CCSER1: variants seen among roughly 807,000 people sequenced by gnomAD.
CCSER1 encodes the protein coiled-coil serine rich protein 1.
In CCSER1, 41 loss-of-function variants were observed where a neutral mutation model predicts 82.0. The observed-to-expected ratio is 0.50, with a 90% confidence interval of 0.39 to 0.65. The LOEUF is 0.65. Among genes scored for constraint, CCSER1 ranks in the 30% least tolerant of loss-of-function variants. The pLI is 0.00. For missense variants in CCSER1, 1,119 were observed against 1,064.2 expected, an observed-to-expected ratio of 1.05 and a Z score of -0.72; for synonymous variants, 414 against 383.9, an observed-to-expected ratio of 1.08 and a Z score of -0.92.
intron 7 of CCSER1, among the ~76,000 whole-genome samples, chr4:90,758,214 G>C (rs1216022043): frequency 6.6e-6 from 1 of 152,106 alleles, no homozygotes; most frequent in Non-Finnish European, 1.5e-5. Flanking sequence ...TGGGATTACA[G>C]GTGTGTAGTC....
intron 10 of CCSER1, among the ~76,000 whole-genome samples, chr4:91,232,637 A>G (rs1738708567): frequency 6.6e-6 from 1 of 151,840 alleles, no homozygotes; most frequent in Non-Finnish European, 1.5e-5. Context: ...TGAATTTTAT[A>G]TCACATATAT....
chr4:91,238,970 C>CCAG (rs1739237610), intron 10 of CCSER1, among the ~76,000 whole-genome samples: 3 of 151,864 alleles, frequency 2.0e-5, no homozygotes, highest in Admixed American at 6.6e-5. Flanking sequence ...ACTACAGGTG[C>CCAG]CCACCACCGT....
intron 1 of CCSER1, among the ~76,000 whole-genome samples, chr4:90,156,005 C>CA (rs1359046590): frequency 9.0e-4 from 137 of 152,210 alleles, no homozygotes; most frequent in African/African-American, 3.2e-3. Flanking sequence ...CTCTTGTGGG[C>CA]ATTTAGTGCT....
At chr4:90,208,096 G>T (rs1041385749) in intron 1 of CCSER1, among the ~76,000 whole-genome samples, 1 of 152,182 alleles carries the variant, frequency 6.6e-6, no homozygotes, top group Non-Finnish European at 1.5e-5. Flanking sequence ...AGCTGCGCCC[G>T]CAGCCACCCC....
chr4:90,724,806 AATT>A (rs1012065632), intron 7 of CCSER1: 12 of 266,676 alleles, frequency 4.5e-5, no homozygotes, highest in South Asian at 7.7e-5. Context: ...TTTAACATAC[AATT>A]ATTATGAGAG....
chr4:91,217,755 A>G (rs1331180490), intron 10 of CCSER1, among the ~76,000 whole-genome samples: 1 of 150,774 alleles, frequency 6.6e-6, no homozygotes, highest in Non-Finnish European at 1.5e-5. Flanking sequence ...GGTTCTCCAC[A>G]TCCTCACCAG....
intron 1 of CCSER1, among the ~76,000 whole-genome samples, chr4:90,184,200 T>A (rs1734204053): frequency 6.6e-6 from 1 of 152,104 alleles, no homozygotes; most frequent in Non-Finnish European, 1.5e-5. Flanking sequence ...TTGATTGTCA[T>A]GTTACAGAGT....
chr4:91,576,090 T>C (rs866175260), intron 10 of CCSER1, among the ~76,000 whole-genome samples: 1 of 152,006 alleles, frequency 6.6e-6, no homozygotes, highest in Admixed American at 6.6e-5. Context: ...AGACAAGATA[T>C]GGAAATAACC....
chr4:90,958,993 A>G (rs1733795401), intron 9 of CCSER1, among the ~76,000 whole-genome samples: 2 of 152,202 alleles, frequency 1.3e-5, no homozygotes, highest in South Asian at 4.1e-4. Flanking sequence ...AAGATTTTAT[A>G]TAACAAAGTA....
At chr4:91,130,012 A>G (rs1456039574) in intron 10 of CCSER1, 1 of 152,036 alleles carries the variant, frequency 6.6e-6, no homozygotes, top group Non-Finnish European at 1.5e-5. Context: ...TGTGGATCAC[A>G]TAAATAGAGC....
At chr4:91,344,652 A>G (rs554767969) in intron 10 of CCSER1, among the ~76,000 whole-genome samples, 12 of 152,140 alleles carry the variant, frequency 7.9e-5, no homozygotes, top group Middle Eastern at 3.4e-3. Context: ...CAAAGGAAAA[A>G]AAAAAAGGAA....
intron 1 of CCSER1, among the ~76,000 whole-genome samples, chr4:90,174,707 A>T (rs946683269): frequency 2.0e-5 from 3 of 152,016 alleles, no homozygotes; most frequent in East Asian, 3.9e-4. Context: ...TAAGTAGCAC[A>T]TGTATGTGAG....
chr4:90,606,829 C>T (rs1420466690), intron 5 of CCSER1, among the ~76,000 whole-genome samples: 1 of 152,178 alleles, frequency 6.6e-6, no homozygotes, highest in Non-Finnish European at 1.5e-5. Context: ...CTGTGACACT[C>T]ATACAGATAA....
chr4:91,319,346 G>A (rs1381325619), intron 10 of CCSER1, among the ~76,000 whole-genome samples: 3 of 151,848 alleles, frequency 2.0e-5, no homozygotes, highest in South Asian at 4.1e-4. Context: ...TTGACTTCCC[G>A]GATTTGGTGA....
At position 90,957,523 on chromosome 4, in the gene CCSER1, T is replaced by TTA. The variant is rs1561417718; in HGVS notation, c.2172+34076_2172+34077insTA. Among the ~76,000 whole-genome samples the TTA allele has an allele frequency of 3.2e-4, 31 of 96,898 alleles. 1 individual carries two copies. The highest frequency in any genetic ancestry group is 3.1e-3 in the Admixed American group (23 of 7,440). 63.6% of individuals were successfully genotyped at this position (96,898 alleles called of 152,430 possible). On this transcript the variant is annotated intron_variant, in intron 9 of 10. Coordinates refer to ENST00000509176, the MANE Select transcript of CCSER1 (RefSeq NM_001145065.2). ...TAATATTATATAATATAACATAATATCATATATTATATATATTATATAATT... is the reference window on the plus strand; with the variant it reads ...TAATATTATATAATATAACATAATATTACATATATTATATATATTATATAATT...
At chr4:90,377,258 ATAATAT>A (rs1748486484) in intron 3 of CCSER1, among the ~76,000 whole-genome samples, 1 of 152,196 alleles carries the variant, frequency 6.6e-6, no homozygotes, top group African/African-American at 2.4e-5. Context: ...AAGTTATAAA[ATAATAT>A]TAATGTGTTG....
At chr4:91,051,899 C>G (rs937119157) in intron 9 of CCSER1, among the ~76,000 whole-genome samples, 1 of 152,030 alleles carries the variant, frequency 6.6e-6, no homozygotes, top group Non-Finnish European at 1.5e-5. Flanking sequence ...GCAGTAATAT[C>G]TTATCATTCA....
Position 91,205,497 on chromosome 4 carries a change from C to T in CCSER1, c.2217+119503C>T, listed in dbSNP as rs1432777303. Among the ~76,000 whole-genome samples, 37 of 151,766 alleles carry T rather than the reference C, an allele frequency of 2.4e-4. 1 individual carries two copies. The highest frequency in any genetic ancestry group is 2.9e-5 in the Non-Finnish European group (2 of 67,826). On this transcript the variant is annotated intron_variant, in intron 10 of 10. Coordinates refer to ENST00000509176, the MANE Select transcript of CCSER1 (RefSeq NM_001145065.2). ...TTTAAAACAGCTAGTGACAAGAACC[C>T]TCATCATTACCATGTAAATTGATGA... is the stretch of plus-strand genomic sequence containing the variant.
chr4:90,914,521 A>C (rs1428255849), intron 8 of CCSER1, among the ~76,000 whole-genome samples: 1 of 152,164 alleles, frequency 6.6e-6, no homozygotes, highest in East Asian at 1.9e-4. Context: ...TTATAGCACT[A>C]AATGCCCACA....
Sources: allele counts gnomAD v4.1 joint callset (sites outside exome capture counted in the v4.1 genomes callset), GRCh38; gene constraint gnomAD v4.1.1; transcripts MANE v1.5; gene names NCBI Gene and HGNC (gene_info 2026-07-23, HGNC 2026-07-21).